MAP2: variants seen among roughly 807,000 people sequenced by gnomAD.
The protein encoded by MAP2 is microtubule associated protein 2, also known as microtubule-associated protein 2.
Under a neutral mutation model 137.6 loss-of-function variants are expected in MAP2, and 14 were observed. That is an observed-to-expected ratio of 0.10 (90% CI 0.07 to 0.16). The LOEUF is 0.16. Ranked by LOEUF, MAP2 falls within the 10% of genes least tolerant of loss-of-function variation. The probability of loss-of-function intolerance (pLI) is 1.00; values close to 1 mark genes in which losing one functional copy is unlikely to be tolerated. For synonymous variants in MAP2, 786 were observed against 782.3 expected, an observed-to-expected ratio of 1.00 and a Z score of -0.08; for missense variants, 2,088 against 2,191.5, an observed-to-expected ratio of 0.95 and a Z score of 0.94.
intron 4 of MAP2, among the ~76,000 whole-genome samples, chr2:209,645,407 T>C (rs2094352302): frequency 6.6e-6 from 1 of 152,078 alleles, no homozygotes; most frequent in Non-Finnish European, 1.5e-5. Flanking sequence ...TTTGCTTGAA[T>C]GATAATTTAA....
intron 5 of MAP2, among the ~76,000 whole-genome samples, chr2:209,660,441 T>C (rs370803627): frequency 7.4e-6 from 1 of 134,770 alleles, no homozygotes; most frequent in South Asian, 2.5e-4. Flanking sequence ...TCGCCCAGGC[T>C]GGAGTGCAGT....
At chr2:209,633,305 TATTA>T (rs1484891652) in intron 4 of MAP2, among the ~76,000 whole-genome samples, 2 of 152,156 alleles carry the variant, frequency 1.3e-5, no homozygotes. Flanking sequence ...AAAAAAGTGG[TATTA>T]ATTGTGCCTT....
chr2:209,579,533 C>T (rs1397376327), intron 2 of MAP2: 1 of 152,212 alleles, frequency 6.6e-6, no homozygotes, highest in South Asian at 2.1e-4. Context: ...GAGCTCTCTC[C>T]CTCTCTCCCA....
chr2:209,466,835 A>T lies in MAP2; in HGVS notation c.-221-40757A>T, dbSNP rs552103806. ...AGAAGATCAAATTCTTGCCACTTTC[A>T]AAATAAAAGAGCTACCTGGCTCTCA... On this transcript the variant is annotated intron_variant, in intron 1 of 15. Coordinates refer to ENST00000682079, the MANE Select transcript of MAP2 (RefSeq NM_001375505.1). Among the ~76,000 whole-genome samples, 57 of 152,326 alleles carry T rather than the reference A, an allele frequency of 3.7e-4. No homozygotes were observed. The South Asian group carries it at 0.012, about 32-fold the overall frequency.
Position 209,723,866 on chromosome 2 carries a change from T to C in MAP2, c.5074-1843T>C, listed in dbSNP as rs979331387. On this transcript the variant is annotated intron_variant, in intron 13 of 15. Coordinates refer to ENST00000682079, the MANE Select transcript of MAP2 (RefSeq NM_001375505.1). ...ATTTTCAGTGATGGACTTCCCATCC[T>C]TCCCTGTAAGATCATCAGGGAATTT... is the stretch of plus-strand genomic sequence containing the variant. 3.9e-5 allele frequency among the ~76,000 whole-genome samples: 6 copies of C among 152,212 alleles called. No individual in the cohort carries two copies. The East Asian group carries it at 1.2e-3, about 29-fold the overall frequency.
intron 2 of MAP2, among the ~76,000 whole-genome samples, chr2:209,566,921 T>G (rs537349812): frequency 1.6e-4 from 25 of 152,160 alleles, no homozygotes; most frequent in Non-Finnish European, 2.6e-4. Flanking sequence ...AATAAGAAAT[T>G]ATAAGAAAAT....
chr2:209,570,864 C>T (rs148541485), intron 2 of MAP2, among the ~76,000 whole-genome samples: 4 of 151,942 alleles, frequency 2.6e-5, no homozygotes, highest in East Asian at 1.9e-4. Flanking sequence ...AAGGATGATA[C>T]GGGAAGCATC....
In MAP2 at chr2:209,732,875, A is replaced by G. The variant is rs1439037983; in HGVS notation, c.*2478A>G. 1 of 152,630 alleles carries G rather than the reference A, an allele frequency of 6.6e-6. No individual in the cohort carries two copies. The highest frequency in any genetic ancestry group is 1.5e-5 in the Non-Finnish European group (1 of 68,040). 9.5% of individuals were successfully genotyped at this position (152,630 alleles called of 1,614,324 possible). ...AAATGTTCTTGCTTTGTATGGAAAT[A>G]CAATTCTTTATTAAAGTTAACAGAA... On this transcript the variant is annotated 3_prime_UTR_variant, in exon 16 of 16. Coordinates refer to ENST00000682079, the MANE Select transcript of MAP2 (RefSeq NM_001375505.1).
At chr2:209,685,100 G>C (rs2056502502) in intron 7 of MAP2, among the ~76,000 whole-genome samples, 1 of 151,910 alleles carries the variant, frequency 6.6e-6, no homozygotes, top group Non-Finnish European at 1.5e-5. Flanking sequence ...AAATGTTATG[G>C]TTTATGTCTG....
chr2:209,502,841 A>G (rs1485721329), intron 1 of MAP2, among the ~76,000 whole-genome samples: 3 of 152,078 alleles, frequency 2.0e-5, no homozygotes, highest in South Asian at 2.1e-4. Flanking sequence ...GATTTCTGAT[A>G]TTAAACACCT....
chr2:209,547,923 A>G (rs868152816), intron 2 of MAP2, among the ~76,000 whole-genome samples: 19 of 152,208 alleles, frequency 1.2e-4, no homozygotes, highest in African/African-American at 4.6e-4. Flanking sequence ...TTTTACAAAA[A>G]TGATAGTGAT....
Position 209,694,973 on chromosome 2 carries a change from G to A in MAP2, c.2803G>A (p.Ala935Thr). The A allele has an allele frequency of 6.2e-7, 1 of 1,614,172 alleles. No homozygotes were observed. Among genetic ancestry groups the A allele is most frequent in the Non-Finnish European group, 8.5e-7 (1 of 1,180,020 alleles). Residue 935 changes from alanine to threonine, a missense_variant, in exon 8 of 16, where the codon GCA becomes ACA. By Grantham distance (58) the Ala-to-Thr change is moderately conservative. Transcript: ENST00000682079. ...AGATGAGTTCAGTGTTGACAAAGAA[G>A]CATCCGCGCATATCTCTGGTGACAA... ...VKDEFSVDKE[A>T]SAHISGDKSG... is the part of the protein sequence containing the mutation.
At chr2:209,506,027 C>T (rs566413777) in intron 1 of MAP2, among the ~76,000 whole-genome samples, 15 of 152,078 alleles carry the variant, frequency 9.9e-5, no homozygotes, top group African/African-American at 3.4e-4. Flanking sequence ...TGAGAGTTTA[C>T]AGTGGTGCCC....
chr2:209,565,521 G>T (rs959225676), intron 2 of MAP2, among the ~76,000 whole-genome samples: 1 of 152,088 alleles, frequency 6.6e-6, no homozygotes, highest in African/African-American at 2.4e-5. Context: ...TTCCCAGACC[G>T]AAAATATCTA....
chr2:209,484,959 T>A (rs1199334498), intron 1 of MAP2, among the ~76,000 whole-genome samples: 1 of 152,212 alleles, frequency 6.6e-6, no homozygotes, highest in Non-Finnish European at 1.5e-5. Context: ...ATCGGGCCGA[T>A]AGAAACGCGA....
At chr2:209,562,335 C>A (rs981324649) in intron 2 of MAP2, among the ~76,000 whole-genome samples, 14 of 152,146 alleles carry the variant, frequency 9.2e-5, no homozygotes, top group Non-Finnish European at 2.1e-4. Context: ...ATATCATTTT[C>A]CCCTTTCACT....
chr2:209,477,277 G>A (rs1707490749), intron 1 of MAP2, among the ~76,000 whole-genome samples: 1 of 151,790 alleles, frequency 6.6e-6, no homozygotes, highest in Admixed American at 6.6e-5. Flanking sequence ...CATAGCCTGG[G>A]CCACTTTGTA....
chr2:209,544,748 C>T (rs1401339883), intron 2 of MAP2, among the ~76,000 whole-genome samples: 1 of 152,160 alleles, frequency 6.6e-6, no homozygotes, highest in East Asian at 1.9e-4. Context: ...TCCATTTCTT[C>T]AAAATATGCT....
chr2:209,679,465 A>T (rs1287461545), intron 6 of MAP2, among the ~76,000 whole-genome samples: 2 of 152,092 alleles, frequency 1.3e-5, no homozygotes, highest in Non-Finnish European at 2.9e-5. Context: ...AGACTCTCTT[A>T]AATTCAATAT....
Sources: gnomAD v4.1 joint callset for allele counts (sites outside exome capture counted in the v4.1 genomes callset) on GRCh38, gnomAD v4.1.1 for gene constraint, MANE v1.5 for transcripts, NCBI Gene and HGNC (gene_info 2026-07-23, HGNC 2026-07-21) for gene names.